The following EML6 variants were observed in gnomAD, a reference collection of about 807,000 sequenced individuals.
The protein encoded by EML6 is EMAP like 6.
Under a neutral mutation model 240.1 loss-of-function variants are expected in EML6, and 154 were observed. The ratio of observed to expected loss-of-function variants is 0.64; its 90% CI spans 0.56 to 0.73. EML6 has a LOEUF of 0.73. Among genes scored for constraint, EML6 ranks in the 30% least tolerant of loss-of-function variants. EML6 has a pLI of 0.00. For synonymous variants in EML6, 1,148 were observed against 899.0 expected, an observed-to-expected ratio of 1.28 and a Z score of -4.95; for missense variants, 2,964 against 2,474.6, an observed-to-expected ratio of 1.20 and a Z score of -4.20.
intron 4 of EML6, among the ~76,000 whole-genome samples, chr2:54,818,303 C>G (rs1490983669): frequency 6.6e-6 from 1 of 152,004 alleles, no homozygotes; most frequent in Non-Finnish European, 1.5e-5. Context: ...CTCAGCTGCC[C>G]TCCATATGGT....
intron 37 of EML6, 72 bp from the exon 38 acceptor site, chr2:54,964,499 G>T: frequency 6.9e-7 from 1 of 1,442,340 alleles, no homozygotes; most frequent in South Asian, 1.3e-5. Flanking sequence ...GCCTGTCACA[G>T]ACCAGCCTTC....
intron 2 of EML6, among the ~76,000 whole-genome samples, chr2:54,796,517 A>G (rs1361112565): frequency 6.6e-6 from 1 of 151,494 alleles, no homozygotes; most frequent in African/African-American, 2.4e-5. Flanking sequence ...TTTTTTGTAA[A>G]TGGAATCATT....
intron 17 of EML6, chr2:54,880,377 C>T (rs1475377428): frequency 6.6e-6 from 1 of 152,184 alleles, no homozygotes; most frequent in African/African-American, 2.4e-5. Flanking sequence ...TTAATGATGT[C>T]CTTTCTGTCT....
intron 3 of EML6, 76 bp from the exon 4 acceptor site, chr2:54,816,711 A>AAT: frequency 3.5e-6 from 4 of 1,145,384 alleles, no homozygotes; most frequent in Non-Finnish European, 5.1e-6. Context: ...ACCCATAGTA[A>AAT]ATAGTAACTA....
At chr2:54,746,426 C>T (rs573373133) in intron 2 of EML6, among the ~76,000 whole-genome samples, 5 of 152,280 alleles carry the variant, frequency 3.3e-5, no homozygotes, top group East Asian at 1.9e-4. Flanking sequence ...TGGGTACAGG[C>T]TTGTGATTTC....
At chr2:54,767,866 C>T (rs1668251241) in intron 2 of EML6, among the ~76,000 whole-genome samples, 1 of 152,116 alleles carries the variant, frequency 6.6e-6, no homozygotes, top group Non-Finnish European at 1.5e-5. Context: ...AAGCGATCTG[C>T]CTGCCTCTGC....
In EML6 at chr2:54,942,642, T is replaced by C. The variant is rs150763476; in HGVS notation, c.4005-6240T>C. Among the ~76,000 whole-genome samples, 29 of 152,270 alleles carry C rather than the reference T, an allele frequency of 1.9e-4. No homozygotes were observed. In the East Asian group the frequency reaches 5.4e-3, roughly 28 times the overall value. On this transcript the variant is annotated intron_variant, in intron 28 of 41. Transcript: ENST00000356458. ...TTGAAGTTCGTGTCATGCTCTGCCA[T>C]CTTCTGCCCCTTCCTGTTCTTGTCA...
At chr2:54,794,245 G>C in intron 2 of EML6, among the ~76,000 whole-genome samples, 1 of 152,182 alleles carries the variant, frequency 6.6e-6, no homozygotes, top group East Asian at 1.9e-4. Flanking sequence ...TCTGGACTGT[G>C]CCATTACACT....
At chr2:54,849,826 A>T in intron 9 of EML6, 136 bp from the exon 10 acceptor site, 1 of 715,540 alleles carries the variant, frequency 1.4e-6, no homozygotes, top group Non-Finnish European at 2.2e-6. Context: ...TTATATATTT[A>T]CTCAAAAGTT....
intron 10 of EML6, 114 bp from the exon 11 acceptor site, chr2:54,853,529 A>C: frequency 2.8e-6 from 2 of 723,218 alleles, no homozygotes; most frequent in East Asian, 5.9e-5. Context: ...AAAGAGATTA[A>C]AATATGTAGT....
intron 16 of EML6, among the ~76,000 whole-genome samples, chr2:54,872,928 G>T (rs1430262755): frequency 2.0e-5 from 3 of 152,104 alleles, no homozygotes; most frequent in African/African-American, 7.2e-5. Context: ...ACTCCATGTG[G>T]CACACAGTTA....
intron 7 of EML6, among the ~76,000 whole-genome samples, chr2:54,838,810 T>A (rs1669288547): frequency 1.3e-5 from 2 of 152,180 alleles, no homozygotes. Flanking sequence ...CAGGGTATGG[T>A]GTCCAAATGT....
Position 54,954,135 on chromosome 2 carries a change from A to T in EML6, c.4465A>T (p.Thr1489Ser), listed in dbSNP as rs1558722228. 4 of 1,550,728 alleles carry T rather than the reference A, an allele frequency of 2.6e-6. No individual in the cohort carries two copies. Among genetic ancestry groups the T allele is most frequent in the Non-Finnish European group, 3.5e-6 (4 of 1,146,632 alleles). ...SVGVDPEHTITVWRWQEGAKV... is the reference protein window; with the variant it reads ...SVGVDPEHTISVWRWQEGAKV... ...GGGAGTGGACCCTGAGCACACCATC[A>T]CTGTCTGGCGATGGCAGGAAGGTAA... Residue 1489 changes from threonine to serine, a missense_variant, in exon 32 of 42, where the codon ACT becomes TCT. By Grantham distance (58) the Thr-to-Ser change is moderately conservative. Transcript: ENST00000356458.
At position 54,834,143 on chromosome 2, in the gene EML6, C is replaced by T. The variant is rs146792549; in HGVS notation, c.847+4666C>T. On this transcript the variant is annotated intron_variant, in intron 7 of 41. Transcript: ENST00000356458. ...GCTGGGAGACACCCTGGATGTAAGG[C>T]GGCGGTGGCGGGGCATGGGGAGAAC... 2.1e-3 allele frequency among the ~76,000 whole-genome samples: 312 copies of T among 152,150 alleles called. 1 individual carries two copies. Among genetic ancestry groups the T allele is most frequent in the Middle Eastern group, 3.4e-3 (1 of 294 alleles).
intron 24 of EML6, among the ~76,000 whole-genome samples, chr2:54,907,318 C>A (rs1341039583): frequency 1.3e-5 from 2 of 151,942 alleles, no homozygotes; most frequent in Non-Finnish European, 2.9e-5. Flanking sequence ...GCCAGCCTGG[C>A]CAAAATGGTG....
intron 28 of EML6, among the ~76,000 whole-genome samples, chr2:54,932,355 CTT>C (rs1368501470): frequency 6.6e-6 from 1 of 152,158 alleles, no homozygotes; most frequent in Non-Finnish European, 1.5e-5. Context: ...GTCATGAAGT[CTT>C]TTTTACTTTT....
At chr2:54,794,150 T>G (rs926825617) in intron 2 of EML6, among the ~76,000 whole-genome samples, 11 of 152,144 alleles carry the variant, frequency 7.2e-5, no homozygotes, top group African/African-American at 2.7e-4. Context: ...CGGACAAATA[T>G]AAAGGCTAAG....
At chr2:54,885,415 C>T (rs967642667) in intron 17 of EML6, among the ~76,000 whole-genome samples, 1 of 151,924 alleles carries the variant, frequency 6.6e-6, no homozygotes, top group African/African-American at 2.4e-5. Flanking sequence ...CCACTGCATT[C>T]CAGCCTGGGC....
chr2:54,825,725 C>CCTG (rs1668556232), intron 5 of EML6, among the ~76,000 whole-genome samples: 1 of 152,154 alleles, frequency 6.6e-6, no homozygotes, highest in African/African-American at 2.4e-5. Context: ...TCCTTAACCC[C>CCTG]CTGCCACGCA....
Sources: allele counts gnomAD v4.1 joint callset (sites outside exome capture counted in the v4.1 genomes callset), GRCh38; gene constraint gnomAD v4.1.1; transcripts MANE v1.5; gene names NCBI Gene and HGNC (gene_info 2026-07-23, HGNC 2026-07-21).